KIRREL1: variants seen among roughly 807,000 people sequenced by gnomAD.
KIRREL1 encodes kin of IRRE-like protein 1.
KIRREL1 carries 25 observed loss-of-function variants against 83.3 expected under a neutral mutation model. The ratio of observed to expected loss-of-function variants is 0.30; its 90% CI spans 0.22 to 0.42. The LOEUF (loss-of-function observed/expected upper bound fraction) is 0.42, where lower values mean the gene tolerates loss of function less well. Ranked by LOEUF, KIRREL1 falls within the 10% of genes least tolerant of loss-of-function variation. The pLI, the probability that KIRREL1 is intolerant of heterozygous loss-of-function variation, is 1.00. For missense variants in KIRREL1, 812 were observed against 1,032.3 expected, an observed-to-expected ratio of 0.79 and a Z score of 2.92; for synonymous variants, 388 against 410.4, an observed-to-expected ratio of 0.95 and a Z score of 0.66.
intron 1 of KIRREL1, among the ~76,000 whole-genome samples, chr1:158,018,266 T>C (rs1048539566): frequency 1.6e-4 from 24 of 152,134 alleles, no homozygotes; most frequent in Non-Finnish European, 4.4e-5. Flanking sequence ...AGCCTCAGGC[T>C]CTGGTGTGCC....
At chr1:158,074,407 G>C (rs1661608965) in intron 1 of KIRREL1, among the ~76,000 whole-genome samples, 1 of 152,244 alleles carries the variant, frequency 6.6e-6, no homozygotes, top group African/African-American at 2.4e-5. Context: ...GCAACAACCA[G>C]TGGGGATGGA....
chr1:158,098,301 A>C lies in KIRREL1; in HGVS notation c.*3181A>C, dbSNP rs1020722110. On this transcript the variant is annotated 3_prime_UTR_variant, in exon 15 of 15. Transcript: ENST00000359209. ...TGCCAGGGCAGGACATAGTATGCAC[A>C]TAGGGATATTGTTATGTGCCTAGGT... 17 of 152,232 alleles carry C rather than the reference A, an allele frequency of 1.1e-4. No homozygotes were observed. Among genetic ancestry groups the C allele is most frequent in the African/African-American group, 4.1e-4 (17 of 41,454 alleles). 9.4% of individuals were successfully genotyped at this position (152,232 alleles called of 1,614,324 possible). A position where few individuals can be genotyped will look rare whatever the true frequency, so the allele number is the denominator to read the frequency against.
Position 158,094,431 on chromosome 1 carries a change from G to A in KIRREL1, c.1797+41G>A, listed in dbSNP as rs902877440. 2 of 1,585,088 alleles carry A rather than the reference G, an allele frequency of 1.3e-6. No individual in the cohort carries two copies. The highest frequency in any genetic ancestry group is 1.7e-5 in the Admixed American group (1 of 58,144). On this transcript the variant is annotated intron_variant, in intron 14 of 14. Transcript: ENST00000359209. This position sits in a 1 kb window ranked among gnomAD's most constrained non-coding sequence, Gnocchi z 4.6. ...GGGGCCAGGGCATGAGGGCTGGTGGGCCAGTGGGTTTCTGAGGTCCTGTAG... is the reference window on the plus strand; with the variant it reads ...GGGGCCAGGGCATGAGGGCTGGTGGACCAGTGGGTTTCTGAGGTCCTGTAG...
chr1:158,047,978 C>T (rs1660819153), intron 1 of KIRREL1, among the ~76,000 whole-genome samples: 1 of 152,210 alleles, frequency 6.6e-6, no homozygotes, highest in African/African-American at 2.4e-5. Context: ...TTTCCACCCT[C>T]TGCCTGGGGC....
Position 158,088,002 on chromosome 1 carries a change from C to G in KIRREL1, c.768-4C>G, listed in dbSNP as rs760261636. On this transcript the variant is annotated splice_region_variant and splice_polypyrimidine_tract_variant and intron_variant, in intron 6 of 14. Transcript: ENST00000359209. ...TCCCACCTCTGTGTTGCCTCCTCCC[C>G]TAGGTGGGCCAAAGGGGGTTTCTTG... is the stretch of plus-strand genomic sequence containing the variant. 3 of 1,614,132 alleles carry G rather than the reference C, an allele frequency of 1.9e-6. No individual in the cohort carries two copies. In the South Asian group the frequency reaches 3.3e-5, roughly 18 times the overall value.
intron 3 of KIRREL1, among the ~76,000 whole-genome samples, chr1:158,082,590 G>A (rs1307626099): frequency 6.6e-6 from 1 of 152,156 alleles, no homozygotes; most frequent in African/African-American, 2.4e-5. Context: ...CTCCTCTTGA[G>A]TGTTCCCTCT....
At chr1:158,042,024 T>TG (rs1480615301) in intron 1 of KIRREL1, among the ~76,000 whole-genome samples, 1 of 152,110 alleles carries the variant, frequency 6.6e-6, no homozygotes, top group Non-Finnish European at 1.5e-5. Flanking sequence ...CTTGCTACAT[T>TG]GCCTGAGCAC....
chr1:158,039,829 C>T (rs1032612160), intron 1 of KIRREL1, among the ~76,000 whole-genome samples: 5 of 152,166 alleles, frequency 3.3e-5, no homozygotes, highest in Non-Finnish European at 5.9e-5. Context: ...GAGGGAGGTC[C>T]CAGAAGGGAG....
intron 1 of KIRREL1, among the ~76,000 whole-genome samples, chr1:158,022,459 G>A (rs573654576): frequency 6.6e-6 from 1 of 152,308 alleles, no homozygotes; most frequent in Non-Finnish European, 1.5e-5. Context: ...GACAGAAGCA[G>A]AACTAGAAGC....
At chr1:158,079,761 G>A (rs1661790536) in intron 3 of KIRREL1, among the ~76,000 whole-genome samples, 1 of 152,254 alleles carries the variant, frequency 6.6e-6, no homozygotes, top group Non-Finnish European at 1.5e-5. Flanking sequence ...TGATCCTAAA[G>A]AGGTGACAAC....
intron 1 of KIRREL1, among the ~76,000 whole-genome samples, chr1:158,002,515 G>A (rs959035020): frequency 1.3e-5 from 2 of 152,224 alleles, no homozygotes; most frequent in African/African-American, 4.8e-5. Context: ...ACCAGGGGGG[G>A]TGAGAGCATG....
At chr1:158,056,444 G>C (rs1661060850) in intron 1 of KIRREL1, among the ~76,000 whole-genome samples, 2 of 152,334 alleles carry the variant, frequency 1.3e-5, no homozygotes, top group East Asian at 3.9e-4. Flanking sequence ...AGGGGTGAGG[G>C]AGCAGGCCAA....
intron 1 of KIRREL1, among the ~76,000 whole-genome samples, chr1:158,008,640 A>G (rs557982190): frequency 6.6e-6 from 1 of 152,220 alleles, no homozygotes; most frequent in South Asian, 2.1e-4. Context: ...GCCCCTGGAA[A>G]TGACCAGGGA....
intron 1 of KIRREL1, among the ~76,000 whole-genome samples, chr1:158,048,146 G>A (rs893861140): frequency 3.9e-5 from 6 of 152,220 alleles, no homozygotes; most frequent in African/African-American, 1.4e-4. Flanking sequence ...TTCCTCTGAT[G>A]TTGGTGAGAC....
chr1:158,096,863 T>A lies in KIRREL1; in HGVS notation c.*1743T>A, dbSNP rs1185191018. On this transcript the variant is annotated 3_prime_UTR_variant, in exon 15 of 15. Transcript: ENST00000359209. The stretch of plus-strand genomic sequence containing the variant: ...GCCTCTGGTGCAGTTCCCAAAATGT[T>A]CCTCGCCCTTTCTCCGTGGTCACCA... 2.2e-6 allele frequency: 1 copy of A among 456,646 alleles called. No individual in the cohort carries two copies. The highest frequency in any genetic ancestry group is 4.4e-6 in the Non-Finnish European group (1 of 226,968). The allele number at this position is 456,646 out of a possible 1,614,324, so 28.3% of individuals were successfully genotyped here. A position where few individuals can be genotyped will look rare whatever the true frequency, so the allele number is the denominator to read the frequency against.
At chr1:158,000,203 G>A (rs1659322748) in intron 1 of KIRREL1, among the ~76,000 whole-genome samples, 1 of 152,154 alleles carries the variant, frequency 6.6e-6, no homozygotes, top group East Asian at 1.9e-4. Flanking sequence ...CCTTCATAGT[G>A]CAGCTATACA....
At chr1:158,016,742 A>G (rs1212398956) in intron 1 of KIRREL1, among the ~76,000 whole-genome samples, 1 of 152,210 alleles carries the variant, frequency 6.6e-6, no homozygotes, top group East Asian at 1.9e-4. Context: ...TTAATCTCCA[A>G]AGTGAGGAAC....
At position 158,089,572 on chromosome 1, in the gene KIRREL1, G is replaced by A. The variant is rs1405619267; in HGVS notation, c.1115G>A (p.Arg372Gln). 2.5e-6 allele frequency: 4 copies of A among 1,613,954 alleles called. No individual in the cohort carries two copies. The highest frequency in any genetic ancestry group is 3.4e-6 in the Non-Finnish European group (4 of 1,179,992). ...TQADAGTYTC[R>Q]AIVPRIGVAE... is the part of the protein sequence containing the mutation. ...GCAGACGCTGGCACCTACACCTGCC[G>A]GGCCATCGTGCCTCGAATCGGAGTG... The change falls in exon 9 of 15, where the codon CGG becomes CAG. Residue 372 changes from arginine to glutamine, a missense_variant. By Grantham distance (43) the Arg-to-Gln change is conservative (BLOSUM62 1). Transcript: ENST00000359209.
intron 1 of KIRREL1, among the ~76,000 whole-genome samples, chr1:158,039,395 T>A (rs2101576240): frequency 6.6e-6 from 1 of 152,342 alleles, no homozygotes; most frequent in Middle Eastern, 3.4e-3. Context: ...TGCTGTTTGC[T>A]TCCTTTATGG....
Sources: gnomAD v4.1 joint callset for allele counts (sites outside exome capture counted in the v4.1 genomes callset) on GRCh38, gnomAD v4.1.1 for gene constraint, Gnocchi (gnomAD v3.1) non-coding constraint, MANE v1.5 for transcripts, NCBI Gene and HGNC (gene_info 2026-07-23, HGNC 2026-07-21) for gene names.